Variants in AFAP1 observed in about 807,000 individuals in gnomAD.
AFAP1 encodes actin filament associated protein 1.
A neutral mutation model predicts 93.9 loss-of-function variants in AFAP1; 75 were observed. The observed-to-expected ratio is 0.80, with a 90% confidence interval of 0.66 to 0.97. AFAP1 has a LOEUF of 0.97. Among genes scored for constraint, AFAP1 ranks in the 50% least tolerant of loss-of-function variants. AFAP1 has a pLI of 0.00. For synonymous variants in AFAP1, 517 were observed against 430.7 expected (o/e 1.20, Z -2.48); for missense variants, 1,201 against 1,050.8 (o/e 1.14, Z -1.98).
chr4:7,926,775 C>T (rs567268146), intron 1 of AFAP1, among the ~76,000 whole-genome samples: 3 of 152,222 alleles, frequency 2.0e-5, no homozygotes, highest in Non-Finnish European at 4.4e-5. Flanking sequence ...CTCCCTGTGT[C>T]GCCCAAGCTG....
chr4:7,849,735 A>G (rs1714221468), intron 4 of AFAP1, among the ~76,000 whole-genome samples: 1 of 152,234 alleles, frequency 6.6e-6, no homozygotes, highest in African/African-American at 2.4e-5. Flanking sequence ...TGTGGAAGGC[A>G]AGGCATTTGG....
chr4:7,888,790 T>G (rs2891900), intron 1 of AFAP1, among the ~76,000 whole-genome samples: 75 of 152,098 alleles, frequency 4.9e-4, no homozygotes, highest in East Asian at 1.2e-3. Flanking sequence ...ACAGTTTTTT[T>G]TTGTTGTTGT....
At chr4:7,813,968 A>G (rs1004569684) in intron 8 of AFAP1, among the ~76,000 whole-genome samples, 3 of 152,172 alleles carry the variant, frequency 2.0e-5, no homozygotes, top group African/African-American at 7.2e-5. Flanking sequence ...CTGAGCAGCC[A>G]AGGTCACAGG....
At chr4:7,905,987 G>A (rs1719378807) in intron 1 of AFAP1, among the ~76,000 whole-genome samples, 1 of 152,202 alleles carries the variant, frequency 6.6e-6, no homozygotes, top group Admixed American at 6.5e-5. Flanking sequence ...GCCAGCCTGG[G>A]GGCCTGCTGA....
intron 6 of AFAP1, among the ~76,000 whole-genome samples, chr4:7,832,797 G>A (rs932770488): frequency 2.0e-5 from 3 of 152,060 alleles, no homozygotes; most frequent in African/African-American, 7.2e-5. Flanking sequence ...AAACAGCATG[G>A]TACTGGTATA....
intron 9 of AFAP1, among the ~76,000 whole-genome samples, chr4:7,809,217 C>A (rs1719799111): frequency 6.6e-6 from 1 of 151,858 alleles, no homozygotes; most frequent in Non-Finnish European, 1.5e-5. Context: ...CCACTCCCCC[C>A]ACCCCACTTA....
intron 1 of AFAP1, among the ~76,000 whole-genome samples, chr4:7,922,249 A>G (rs937837057): frequency 1.3e-5 from 2 of 152,246 alleles, no homozygotes; most frequent in Admixed American, 6.5e-5. Context: ...TATAGTACAT[A>G]TTTTCAATGT....
At chr4:7,785,569 C>G (rs1288149004) in intron 12 of AFAP1, among the ~76,000 whole-genome samples, 1 of 152,204 alleles carries the variant, frequency 6.6e-6, no homozygotes, top group Non-Finnish European at 1.5e-5. Flanking sequence ...TTTGATTTAA[C>G]AAGTTATCCA....
intron 1 of AFAP1, among the ~76,000 whole-genome samples, chr4:7,890,594 C>T (rs988169850): frequency 6.6e-6 from 1 of 152,126 alleles, no homozygotes; most frequent in Non-Finnish European, 1.5e-5. Context: ...TGTAACAACA[C>T]ACTGAATACC....
chr4:7,917,899 G>T (rs933935524), intron 1 of AFAP1, among the ~76,000 whole-genome samples: 1 of 152,146 alleles, frequency 6.6e-6, no homozygotes, highest in East Asian at 1.9e-4. Context: ...ACTCAGCACC[G>T]CAAAGAGACC....
At chr4:7,771,715 A>C (rs1715464307) in intron 16 of AFAP1, among the ~76,000 whole-genome samples, 1 of 152,172 alleles carries the variant, frequency 6.6e-6, no homozygotes, top group Admixed American at 6.5e-5. Context: ...CCTCTTGAAC[A>C]CCTGAAAGAA....
rs752100128 is a variant in AFAP1, at chr4:7,800,667, A to T, written c.1055-14T>A. 4 of 1,614,098 alleles carry T rather than the reference A, an allele frequency of 2.5e-6. No individual in the cohort carries two copies. The highest frequency in any genetic ancestry group is 2.5e-6 in the Non-Finnish European group (3 of 1,179,968). On this transcript the variant is annotated splice_polypyrimidine_tract_variant and intron_variant, in intron 9 of 17. Transcript: ENST00000420658. Reference sequence around the variant, plus strand: ...CGTTCAGATAGCCTGCGGAGACACAAGGCCACAGGTCAGCCGCCTCGGACA... The same window carrying T: ...CGTTCAGATAGCCTGCGGAGACACATGGCCACAGGTCAGCCGCCTCGGACA...
chr4:7,797,941 G>C (rs6835308), intron 10 of AFAP1, among the ~76,000 whole-genome samples: 1 of 152,158 alleles, frequency 6.6e-6, no homozygotes, highest in African/African-American at 2.4e-5. Flanking sequence ...CAAGCATGCG[G>C]AATGTTGGTC....
intron 12 of AFAP1, among the ~76,000 whole-genome samples, chr4:7,785,389 G>A (rs1220547423): frequency 2.6e-5 from 4 of 152,092 alleles, no homozygotes; most frequent in African/African-American, 4.8e-5. Flanking sequence ...TACAGATAGC[G>A]CTGTGCCAGG....
At chr4:7,809,057 GTT>G (rs1719780394) in intron 9 of AFAP1, among the ~76,000 whole-genome samples, 1 of 76,442 alleles carries the variant, frequency 1.3e-5, no homozygotes. Flanking sequence ...GCTTAGTTTT[GTT>G]TTTGTTTTTT....
At chr4:7,883,952 C>T (rs1717997446) in intron 1 of AFAP1, among the ~76,000 whole-genome samples, 1 of 152,178 alleles carries the variant, frequency 6.6e-6, no homozygotes. Flanking sequence ...ATGTCCCCTC[C>T]AAATCTCATG....
At chr4:7,855,355 CCA>C (rs565691466) in intron 4 of AFAP1, 109 bp downstream of exon 4, 11 of 817,430 alleles carry the variant, frequency 1.3e-5, no homozygotes, top group Non-Finnish European at 2.1e-5. Context: ...AGTACTTGGC[CCA>C]CAGTGTTTTA....
rs926290229 is a variant in AFAP1, at chr4:7,843,136, T to C, written c.546+3A>G. 5.0e-6 allele frequency: 8 copies of C among 1,613,394 alleles called. No individual in the cohort carries two copies. In the Middle Eastern group the frequency reaches 5.1e-4, roughly 104 times the overall value. ...AAAATGCAAGCGATTCCAAATGTCT[T>C]ACCAGCAGTTTGGTGTCTTTGATGA... On this transcript the variant is annotated splice_donor_region_variant and intron_variant, in intron 5 of 17. Coordinates refer to ENST00000420658, the MANE Select transcript of AFAP1 (RefSeq NM_001134647.2).
intron 1 of AFAP1, among the ~76,000 whole-genome samples, chr4:7,873,928 C>CA (rs1717297093): frequency 6.6e-6 from 1 of 152,142 alleles, no homozygotes; most frequent in Non-Finnish European, 1.5e-5. Flanking sequence ...CATTTGTGGC[C>CA]AAGAACAAAA....
Sources: allele counts gnomAD v4.1 joint callset (sites outside exome capture counted in the v4.1 genomes callset), GRCh38; gene constraint gnomAD v4.1.1; transcripts MANE v1.5; gene names NCBI Gene and HGNC (gene_info 2026-07-23, HGNC 2026-07-21).